HIBCH: variants seen among roughly 807,000 people sequenced by gnomAD.
HIBCH encodes the protein 3-hydroxyisobutyryl-CoA hydrolase, mitochondrial.
HIBCH carries 50 observed loss-of-function variants against 58.2 expected under a neutral mutation model. The ratio of observed to expected loss-of-function variants is 0.86; its 90% confidence interval spans 0.68 to 1.09. The LOEUF (loss-of-function observed/expected upper bound fraction) is 1.09. HIBCH is among the 50% of genes least tolerant of loss of function. The pLI, the probability that HIBCH is intolerant of heterozygous loss-of-function variation, is 0.00. For missense variants in HIBCH, 450 were observed against 449.7 expected (o/e 1.00, Z -0.01); for synonymous variants, 151 against 146.9 (o/e 1.03, Z -0.20).
At chr2:190,282,664 G>A (rs1687732565) in intron 6 of HIBCH, among the ~76,000 whole-genome samples, 1 of 152,040 alleles carries the variant, frequency 6.6e-6, no homozygotes, top group Non-Finnish European at 1.5e-5. Context: ...AATCAGACAT[G>A]AAAAGTGTGG....
downstream of HIBCH, chr2:190,199,943 T>A: frequency 6.2e-7 from 1 of 1,614,100 alleles, no homozygotes; most frequent in South Asian, 1.1e-5. Flanking sequence ...GAAGAACCCT[T>A]TATGCCAGAA....
In HIBCH at chr2:190,216,998, A is replaced by G. The variant is rs1314988469; in HGVS notation, c.892-3923T>C. On this transcript the variant is annotated intron_variant, in intron 11 of 13. Coordinates refer to ENST00000359678, the MANE Select transcript of HIBCH (RefSeq NM_014362.4). This position sits in a 1 kb window ranked among gnomAD's most constrained non-coding sequence, Gnocchi z 4.2. ...GAGGAATGGTGTCTTCAAAGCAAAC[A>G]ATGAGGAAGTGAGGGTGGAGCCAGG... Among the ~76,000 whole-genome samples the G allele has an allele frequency of 6.6e-6, 1 of 152,168 alleles. No individual in the cohort carries two copies. The highest frequency in any genetic ancestry group is 1.5e-5 in the Non-Finnish European group (1 of 68,026).
intron 9 of HIBCH, 37 bp from the exon 10 acceptor site, chr2:190,246,249 A>C (rs375253220): frequency 1.6e-6 from 2 of 1,218,794 alleles, no homozygotes; most frequent in Non-Finnish European, 2.4e-6. Flanking sequence ...AAATTTGAAC[A>C]CAATTTTTTA....
At chr2:190,287,437 C>A in intron 6 of HIBCH, 149 bp downstream of exon 6, 1 of 661,104 alleles carries the variant, frequency 1.5e-6, no homozygotes, top group East Asian at 2.8e-5. Context: ...AATATTATAT[C>A]TCAAATCTGT....
chr2:190,272,813 G>C (rs964096885), intron 6 of HIBCH, among the ~76,000 whole-genome samples: 2 of 152,034 alleles, frequency 1.3e-5, no homozygotes, highest in Non-Finnish European at 2.9e-5. Context: ...GAAAATGAAA[G>C]TACTCTCCAA....
rs780219195 is a variant in HIBCH, at chr2:190,296,861, G to A, written c.171C>T (p.Leu57=). Residue 57 remains leucine, a synonymous_variant, in exon 3 of 14, where the codon CTC becomes CTT. Transcript: ENST00000359678. ...GAATCATATTAAGAGTCAGTGCATTGAGGAACTTTGGTCTGTTTAGTGTTA... is the reference window on the plus strand; with the variant it reads ...GAATCATATTAAGAGTCAGTGCATTAAGGAACTTTGGTCTGTTTAGTGTTA... ...GVITLNRPKF[L]NALTLNMIRQ... is the part of the protein sequence containing the mutation. 6.2e-7 allele frequency: 1 copy of A among 1,613,964 alleles called. No individual in the cohort carries two copies. The highest frequency in any genetic ancestry group is 8.5e-7 in the Non-Finnish European group (1 of 1,179,860).
chr2:190,295,068 A>G (rs918452723), intron 3 of HIBCH, among the ~76,000 whole-genome samples: 3 of 152,216 alleles, frequency 2.0e-5, no homozygotes, highest in Admixed American at 6.5e-5. Context: ...CTTAATACGT[A>G]AGTAACATAG....
intron 6 of HIBCH, among the ~76,000 whole-genome samples, chr2:190,275,795 T>A (rs1480486367): frequency 6.6e-6 from 1 of 152,172 alleles, no homozygotes; most frequent in Non-Finnish European, 1.5e-5. Context: ...ATGCCCTAAT[T>A]GAAGATGATT....
chr2:190,249,030 T>C (rs1478218956), intron 9 of HIBCH, among the ~76,000 whole-genome samples: 1 of 152,162 alleles, frequency 6.6e-6, no homozygotes, highest in Non-Finnish European at 1.5e-5. Flanking sequence ...TTAGCAGCAC[T>C]CATCCTGCTG....
rs567411584 is a variant in HIBCH, at chr2:190,217,688, C to A, written c.892-4613G>T. Reference sequence around the variant, plus strand: ...GAGTTCACAGTTCACCACTTCCAGGCTGGCAACTCGGTGCTAATTAAAACC... The same window carrying A: ...GAGTTCACAGTTCACCACTTCCAGGATGGCAACTCGGTGCTAATTAAAACC... On this transcript the variant is annotated intron_variant, in intron 11 of 13. Coordinates refer to ENST00000359678, the MANE Select transcript of HIBCH (RefSeq NM_014362.4). The surrounding 1 kb of genome is among the most constrained non-coding windows in gnomAD (Gnocchi z 4.6). Among the ~76,000 whole-genome samples the A allele has an allele frequency of 1.3e-5, 2 of 152,278 alleles. No homozygotes were observed. Among genetic ancestry groups the A allele is most frequent in the East Asian group, 3.9e-4 (2 of 5,178 alleles).
rs1165006642 is a variant in HIBCH at position 190,204,788 on chromosome 2, T to C, written c.*329A>G. ...ATTTTTCCATCTTCTAAAACAAGGA[T>C]TGACAAACTTTTTTCTGACAAAAAC... On this transcript the variant is annotated 3_prime_UTR_variant, in exon 14 of 14. Transcript: ENST00000359678. 6 of 257,480 alleles carry C rather than the reference T, an allele frequency of 2.3e-5. No individual in the cohort carries two copies. Among genetic ancestry groups the C allele is most frequent in the Admixed American group, 5.0e-5 (1 of 19,934 alleles). 15.9% of individuals were successfully genotyped at this position (257,480 alleles called of 1,614,324 possible).
chr2:190,276,993 CTTAA>C (rs1293306597), intron 6 of HIBCH, among the ~76,000 whole-genome samples: 3 of 152,172 alleles, frequency 2.0e-5, no homozygotes, highest in East Asian at 1.9e-4. Flanking sequence ...TTATTTCTAT[CTTAA>C]TTAATTCCAT....
At position 190,315,022 on chromosome 2, in the gene HIBCH, A is replaced by T. The variant is rs780272484; in HGVS notation, c.36-4226T>A. 5.3e-5 allele frequency among the ~76,000 whole-genome samples: 8 copies of T among 151,282 alleles called. No individual in the cohort carries two copies. Among genetic ancestry groups the T allele is most frequent in the Non-Finnish European group, 8.8e-5 (6 of 67,832 alleles). On this transcript the variant is annotated intron_variant, in intron 1 of 13. Coordinates refer to ENST00000359678, the MANE Select transcript of HIBCH (RefSeq NM_014362.4). The surrounding 1 kb of genome is among the most constrained non-coding windows in gnomAD (Gnocchi z 5.4). ...GAGTGCAGTGGTGCAATCTCGGCTCACTGCAGGCTCTGCCTTCCGGGTTCA... is the reference window on the plus strand; with the variant it reads ...GAGTGCAGTGGTGCAATCTCGGCTCTCTGCAGGCTCTGCCTTCCGGGTTCA...
intron 9 of HIBCH, among the ~76,000 whole-genome samples, chr2:190,248,134 TC>T (rs1423667388): frequency 6.6e-6 from 1 of 152,236 alleles, no homozygotes; most frequent in East Asian, 1.9e-4. Context: ...GTTTCCTTCT[TC>T]TTGCATTAAC....
At chr2:190,203,833 GT>G (rs1431438210), downstream of HIBCH, 1 of 152,068 alleles carries the variant, frequency 6.6e-6, no homozygotes, top group African/African-American at 2.4e-5. Context: ...GATCTTTAAT[GT>G]CTTTTTCAGT....
chr2:190,199,983 A>C, downstream of HIBCH: 4 of 1,614,172 alleles, frequency 2.5e-6, no homozygotes, highest in Non-Finnish European at 3.4e-6. Flanking sequence ...TGGCTTCTCC[A>C]GTTAATGTCA....
chr2:190,245,181 T>A, intron 10 of HIBCH: 1 of 515,178 alleles, frequency 1.9e-6, no homozygotes, highest in South Asian at 2.3e-5. Context: ...ATCTAAATTT[T>A]ATTTTTTCTT....
chr2:190,276,658 T>C (rs1687561347), intron 6 of HIBCH, among the ~76,000 whole-genome samples: 1 of 152,224 alleles, frequency 6.6e-6, no homozygotes, highest in South Asian at 2.1e-4. Flanking sequence ...CCCCTTCTGC[T>C]ATAATTGGAA....
intron 6 of HIBCH, among the ~76,000 whole-genome samples, chr2:190,269,290 A>G (rs2105961948): frequency 6.6e-6 from 1 of 152,354 alleles, no homozygotes; most frequent in South Asian, 2.1e-4. Context: ...ATCAACGTGA[A>G]CAGGCAACCT....
Sources: allele counts gnomAD v4.1 joint callset (sites outside exome capture counted in the v4.1 genomes callset), GRCh38; gene constraint gnomAD v4.1.1; non-coding constraint Gnocchi (gnomAD v3.1); transcripts MANE v1.5; gene names NCBI Gene and HGNC (gene_info 2026-07-23, HGNC 2026-07-21).